The following SERPINB7 variants were observed in gnomAD, a reference collection of about 807,000 sequenced individuals.
SERPINB7 encodes serpin B7.
SERPINB7 carries 31 observed loss-of-function variants against 37.4 expected under a neutral mutation model. That is an observed-to-expected ratio of 0.83 (90% CI 0.62 to 1.12). The LOEUF (loss-of-function observed/expected upper bound fraction) is 1.12. Ranked by LOEUF, SERPINB7 falls within the 50% of genes most tolerant of loss-of-function variation. The probability of loss-of-function intolerance (pLI) is 0.00; values close to 1 mark genes in which losing one functional copy is unlikely to be tolerated. For missense variants in SERPINB7, 521 were observed against 455.3 expected, an observed-to-expected ratio of 1.14 and a Z score of -1.31; for synonymous variants, 163 against 166.1, an observed-to-expected ratio of 0.98 and a Z score of 0.14.
chr18:63,771,956 G>C (rs1229458606), upstream of SERPINB7, among the ~76,000 whole-genome samples: 1 of 151,424 alleles, frequency 6.6e-6, no homozygotes, highest in African/African-American at 2.4e-5. Flanking sequence ...TATTTCAGCT[G>C]CTTCTTTTTT....
intron 7 of SERPINB7, 47 bp downstream of exon 7, chr18:63,801,059 G>C: frequency 6.3e-7 from 1 of 1,581,790 alleles, no homozygotes; most frequent in East Asian, 2.2e-5. Context: ...AGACTTTTAG[G>C]ATACTGTTGA....
At chr18:63,778,349 G>A (rs1041910908) in intron 1 of SERPINB7, among the ~76,000 whole-genome samples, 1 of 152,012 alleles carries the variant, frequency 6.6e-6, no homozygotes, top group African/African-American at 2.4e-5. Context: ...GTATAGCATC[G>A]TATTTGACTT....
At chr18:63,754,645 C>G (rs185482468) in intron 1 of SERPINB7, among the ~76,000 whole-genome samples, 57 of 152,264 alleles carry the variant, frequency 3.7e-4, no homozygotes, top group African/African-American at 1.3e-3. Context: ...CCACCCTCCA[C>G]CCAGCAGACC....
At chr18:63,756,683 T>C (rs560206182) in intron 1 of SERPINB7, among the ~76,000 whole-genome samples, 2 of 152,192 alleles carry the variant, frequency 1.3e-5, no homozygotes, top group Non-Finnish European at 1.5e-5. Context: ...TCTGTGAGAT[T>C]AGAGGGCATT....
At position 63,793,215 on chromosome 18, in the gene SERPINB7, A is replaced by C; in HGVS notation, c.274A>C (p.Lys92Gln). The C allele has an allele frequency of 6.2e-7, 1 of 1,609,164 alleles. No homozygotes were observed. Among genetic ancestry groups the C allele is most frequent in the Non-Finnish European group, 8.5e-7 (1 of 1,177,238 alleles). ...TTTTTCTGATATAAATGCATCCCACAAGGATTATGATCTCAGCATTGTGAA... is the reference window on the plus strand; with the variant it reads ...TTTTTCTGATATAAATGCATCCCACCAGGATTATGATCTCAGCATTGTGAA... ...RVFSDINASH[K>Q]DYDLSIVNGL... is the part of the protein sequence containing the mutation. Residue 92 changes from lysine (K) to glutamine (Q), a missense_variant, in exon 4 of 8, where the codon AAG (lysine) becomes CAG (glutamine). By Grantham distance (53) the Lys-to-Gln change is moderately conservative. Transcript: ENST00000398019.
rs758497861 is a variant in SERPINB7, at chr18:63,804,389, C to T, written c.897C>T (p.Ile299=). The T allele has an allele frequency of 1.9e-6, 3 of 1,613,752 alleles. No individual in the cohort carries two copies. In the East Asian group the frequency reaches 6.7e-5, roughly 36 times the overall value. ...TGAGAGCCCTAGGGCTGAAAGATAT[C>T]TTTGATGAATCCAAAGCAGATCTCT... ...QYLRALGLKD[I]FDESKADLSG... is the part of the protein sequence containing the mutation. The change falls in exon 8 of 8, where the codon ATC becomes ATT. Residue 299 remains isoleucine, a synonymous_variant. Transcript: ENST00000398019.
upstream of SERPINB7, among the ~76,000 whole-genome samples, chr18:63,774,360 A>T (rs983464582): frequency 2.0e-5 from 3 of 152,102 alleles, no homozygotes; most frequent in Non-Finnish European, 4.4e-5. Context: ...AGCTTTTTAC[A>T]ATAGAGAACC....
upstream of SERPINB7, among the ~76,000 whole-genome samples, chr18:63,774,484 C>A (rs2144598267): frequency 6.6e-6 from 1 of 152,214 alleles, no homozygotes; most frequent in African/African-American, 2.4e-5. Context: ...ACAGCTCAAC[C>A]TCATGATGCT....
intron 1 of SERPINB7, among the ~76,000 whole-genome samples, chr18:63,760,866 T>A (rs1259197612): frequency 6.6e-6 from 1 of 152,240 alleles, no homozygotes; most frequent in Non-Finnish European, 1.5e-5. Context: ...AATTCCTGGA[T>A]GCCCAGGCAA....
intron 2 of SERPINB7, among the ~76,000 whole-genome samples, chr18:63,788,085 C>T (rs1701637): frequency 0.57 from 87,251 of 152,106 alleles, 25,689 homozygotes; most frequent in African/African-American, 0.7. Flanking sequence ...GCATTTACAA[C>T]AGTATACTTT....
At chr18:63,796,527 A>G in intron 5 of SERPINB7, 144 bp downstream of exon 5, 1 of 547,570 alleles carries the variant, frequency 1.8e-6, no homozygotes, top group South Asian at 2.5e-5. Context: ...AAATTGCTTT[A>G]GTATTTGTCT....
Position 63,796,356 on chromosome 18 carries a change from A to G in SERPINB7, c.427A>G (p.Asn143Asp). Residue 143 changes from asparagine to aspartate, a missense_variant, in exon 5 of 8, where the codon AAT becomes GAT. Coordinates refer to ENST00000398019, the MANE Select transcript of SERPINB7 (RefSeq NM_003784.4). Reference protein sequence around the residue: ...NHLEDTRRNINKWVENETHGK... With the variant: ...NHLEDTRRNIDKWVENETHGK... ...TTTAGAAGACACTAGACGTAATATT[A>G]ATAAGTGGGTTGAAAATGAAACACA... 1.2e-6 allele frequency: 2 copies of G among 1,601,874 alleles called. No homozygotes were observed. The highest frequency in any genetic ancestry group is 1.7e-6 in the Non-Finnish European group (2 of 1,169,188).
At chr18:63,758,026 C>T (rs763541096) in intron 1 of SERPINB7, among the ~76,000 whole-genome samples, 1 of 152,096 alleles carries the variant, frequency 6.6e-6, no homozygotes, top group African/African-American at 2.4e-5. Context: ...ATCACATTGC[C>T]ACATTCTCAT....
At chr18:63,801,043 G>A (rs772365726) in intron 7 of SERPINB7, 31 bp downstream of exon 7, 1 of 1,605,870 alleles carries the variant, frequency 6.2e-7, no homozygotes. Flanking sequence ...TCACTATTGG[G>A]AAATAAGACT....
At chr18:63,794,734 C>A (rs1330184639) in intron 4 of SERPINB7, among the ~76,000 whole-genome samples, 1 of 151,868 alleles carries the variant, frequency 6.6e-6, no homozygotes, top group African/African-American at 2.4e-5. Flanking sequence ...AAAAAATACT[C>A]TTTGTGTCAA....
intron 3 of SERPINB7, among the ~76,000 whole-genome samples, chr18:63,792,952 C>T (rs542830816): frequency 5.3e-5 from 8 of 151,972 alleles, no homozygotes; most frequent in Non-Finnish European, 1.2e-4. Flanking sequence ...AATTTTAAGT[C>T]CAAGTATTTA....
chr18:63,774,245 A>AT (rs2049229301), upstream of SERPINB7, among the ~76,000 whole-genome samples: 1 of 152,114 alleles, frequency 6.6e-6, no homozygotes, highest in African/African-American at 2.4e-5. Flanking sequence ...ACTTTATTCG[A>AT]TTTTGGATAA....
intron 1 of SERPINB7, among the ~76,000 whole-genome samples, chr18:63,766,090 G>A (rs1405711481): frequency 6.6e-6 from 1 of 152,066 alleles, no homozygotes; most frequent in East Asian, 1.9e-4. Context: ...GATAAAATGG[G>A]CACCTAACAA....
At chr18:63,795,589 A>AG (rs949391036) in intron 4 of SERPINB7, among the ~76,000 whole-genome samples, 2 of 151,420 alleles carry the variant, frequency 1.3e-5, no homozygotes, top group African/African-American at 4.9e-5. Context: ...AAAAAAAAAA[A>AG]AAAGAAAAGA....
Sources: allele counts gnomAD v4.1 joint callset (sites outside exome capture counted in the v4.1 genomes callset), GRCh38; gene constraint gnomAD v4.1.1; transcripts MANE v1.5; gene names NCBI Gene and HGNC (gene_info 2026-07-23, HGNC 2026-07-21).